Variants in HERC1 observed in about 807,000 individuals in gnomAD.
HERC1 encodes probable E3 ubiquitin-protein ligase HERC1.
Under a neutral mutation model 554.3 loss-of-function variants are expected in HERC1, and 160 were observed. That is an observed-to-expected ratio of 0.29 (90% confidence interval 0.25 to 0.33). The LOEUF is 0.33. Among genes scored for constraint, HERC1 ranks in the 10% least tolerant of loss-of-function variants. HERC1 has a pLI of 1.00. For synonymous variants in HERC1, 2,175 were observed against 2,131.7 expected (o/e 1.02, Z -0.56); for missense variants, 4,919 against 5,918.5 (o/e 0.83, Z 5.54).
chr15:63,698,641 A>T, intron 26 of HERC1, 87 bp downstream of exon 26: 1 of 1,324,830 alleles, frequency 7.5e-7, no homozygotes, highest in Non-Finnish European at 1.0e-6. Flanking sequence ...ATAGAAGAAA[A>T]GGAAAGGTTT....
At chr15:63,826,303 C>T (rs915345880) in intron 1 of HERC1, among the ~76,000 whole-genome samples, 1 of 152,116 alleles carries the variant, frequency 6.6e-6, no homozygotes, top group Non-Finnish European at 1.5e-5. Context: ...GAACTTTAAA[C>T]TCGCGGTTTA....
At chr15:63,736,787 A>G (rs1049541659) in intron 12 of HERC1, among the ~76,000 whole-genome samples, 8 of 152,024 alleles carry the variant, frequency 5.3e-5, no homozygotes, top group African/African-American at 1.9e-4. Context: ...TTGTATTTTT[A>G]GTAGAGATGG....
chr15:63,609,320 G>A (rs2067488327), intron 77 of HERC1, 54 bp from the exon 78 acceptor site: 1 of 1,483,650 alleles, frequency 6.7e-7, no homozygotes, highest in African/African-American at 1.4e-5. Context: ...CCATAAGGGG[G>A]AGTGGGGCTG....
Position 63,729,308 on chromosome 15 carries a change from CTGTGGCA to C in HERC1, c.3075_3081del (p.His1025GlnfsTer24). ...AAATTTGCAGAACGTGAATAAATAT[CTGTGGCA>C]TGAGGCAACAAAAGCTGAAGATGTT... On this transcript the variant is annotated frameshift_variant, in exon 16 of 78. Transcript: ENST00000443617. LOFTEE classifies it high-confidence loss of function. 1 of 1,611,682 alleles carries C rather than the reference CTGTGGCA, an allele frequency of 6.2e-7. No individual in the cohort carries two copies. Among genetic ancestry groups the C allele is most frequent in the Non-Finnish European group, 8.5e-7 (1 of 1,178,842 alleles).
chr15:63,615,781 T>C lies in HERC1; in HGVS notation c.14081A>G (p.Glu4694Gly). 1 of 1,594,126 alleles carries C rather than the reference T, an allele frequency of 6.3e-7. No homozygotes were observed. Among genetic ancestry groups the C allele is most frequent in the Non-Finnish European group, 8.5e-7 (1 of 1,172,830 alleles). The change falls in exon 76 of 78, where the codon GAG (glutamate) becomes GGG (glycine). Residue 4694 changes from glutamate to glycine, a missense_variant. By Grantham distance (98) the Glu-to-Gly change is moderately conservative (BLOSUM62 -2). Transcript: ENST00000443617. The stretch of plus-strand genomic sequence containing the variant: ...GTTTCATCTCACCTGTCTGTCCATC[T>C]CATGAAGTCGATATTCAATGGCCCT... Reference protein sequence around the residue: ...VERAIEYRLHEMDRQVAAVRE... With the variant: ...VERAIEYRLHGMDRQVAAVRE...
At chr15:63,821,039 CT>C (rs1432210027) in intron 1 of HERC1, among the ~76,000 whole-genome samples, 1 of 152,174 alleles carries the variant, frequency 6.6e-6, no homozygotes, top group Admixed American at 6.5e-5. Flanking sequence ...GTTATAAATT[CT>C]AAATTCTAAC....
chr15:63,689,706 T>C lies in HERC1; in HGVS notation c.5938-7A>G, dbSNP rs777918941. 20 of 1,489,698 alleles carry C rather than the reference T, an allele frequency of 1.3e-5. No individual in the cohort carries two copies. Among genetic ancestry groups the C allele is most frequent in the Admixed American group, 9.0e-5 (4 of 44,208 alleles). 92.3% of individuals were successfully genotyped at this position (1,489,698 alleles called of 1,614,324 possible). ...AAAATAAGCGCTCAACAATCTGTTT[T>C]ATTGAAGAAAAAAGGATAAAATTTG... is the stretch of plus-strand genomic sequence containing the variant. On this transcript the variant is annotated splice_region_variant and splice_polypyrimidine_tract_variant and intron_variant, in intron 32 of 77. Transcript: ENST00000443617.
Position 63,718,704 on chromosome 15 carries a change from G to A in HERC1, c.3858-10C>T, listed in dbSNP as rs1282092781. The A allele has an allele frequency of 2.5e-6, 4 of 1,601,138 alleles. No homozygotes were observed. In the South Asian group the frequency reaches 3.3e-5, roughly 13 times the overall value. ...TTTACCAGGTTGATATCTAAATGAA[G>A]AACCAAAATAGAAAAGTTACCTAAT... is the stretch of plus-strand genomic sequence containing the variant. On this transcript the variant is annotated splice_polypyrimidine_tract_variant and intron_variant, in intron 20 of 77. Coordinates refer to ENST00000443617, the MANE Select transcript of HERC1 (RefSeq NM_003922.4). The surrounding 1 kb of genome is among the most constrained non-coding windows in gnomAD (Gnocchi z 4.2).
chr15:63,758,381 T>A lies in HERC1; in HGVS notation c.1027-12A>T. On this transcript the variant is annotated splice_polypyrimidine_tract_variant and intron_variant, in intron 3 of 77. Transcript: ENST00000443617. This position sits in a 1 kb window ranked among gnomAD's most constrained non-coding sequence, Gnocchi z 4.0. Reference sequence around the variant, plus strand: ...GCCATTCTGCAAACCTATTAAAAATTTAAAATATGCAACAAATAGTCAAGA... The same window carrying A: ...GCCATTCTGCAAACCTATTAAAAATATAAAATATGCAACAAATAGTCAAGA... 2 of 1,560,738 alleles carry A rather than the reference T, an allele frequency of 1.3e-6. No homozygotes were observed. Among genetic ancestry groups the A allele is most frequent in the South Asian group, 2.3e-5 (2 of 86,670 alleles).
In HERC1 at chr15:63,770,916, C is replaced by T. The variant is rs374448372; in HGVS notation, c.930+3778G>A. On this transcript the variant is annotated intron_variant, in intron 2 of 77. Coordinates refer to ENST00000443617, the MANE Select transcript of HERC1 (RefSeq NM_003922.4). ...AGAAACATGGGTTCTAGGCTGGGCA[C>T]GGTGGCTCACGCCTGTAATCCCAGC... 1.6e-4 allele frequency among the ~76,000 whole-genome samples: 24 copies of T among 152,172 alleles called. 1 individual carries two copies. In the South Asian group the frequency reaches 4.2e-3, roughly 26 times the overall value.
chr15:63,818,767 C>T (rs78188233), intron 1 of HERC1, among the ~76,000 whole-genome samples: 4,686 of 152,252 alleles, frequency 0.031, 233 homozygotes, highest in African/African-American at 0.11. Context: ...TTCACTACTG[C>T]CACATATCTG....
Position 63,824,350 on chromosome 15 carries a change from A to G in HERC1, c.-27+9477T>C, listed in dbSNP as rs550327108. ...AGATGGAGACCATCCTGGCTAACAC[A>G]GTGAAACCCCATCTCTACTAAAAAT... On this transcript the variant is annotated intron_variant, in intron 1 of 77. Transcript: ENST00000443617. 7.9e-5 allele frequency among the ~76,000 whole-genome samples: 12 copies of G among 151,994 alleles called. No individual in the cohort carries two copies. In the East Asian group the frequency reaches 2.1e-3, roughly 27 times the overall value.
chr15:63,723,350 ATTTATCT>A lies in HERC1; in HGVS notation c.3569-2_3573del. On this transcript the variant is annotated splice_acceptor_variant and coding_sequence_variant, in exon 19 of 78. Coordinates refer to ENST00000443617, the MANE Select transcript of HERC1 (RefSeq NM_003922.4). LOFTEE classifies it high-confidence loss of function. ...GCTACTTCTAACAGGCAACTCATAC[ATTTATCT>A]AAAAAAAATACTCACGTTACCAATT... 1 of 1,548,108 alleles carries A rather than the reference ATTTATCT, an allele frequency of 6.5e-7. No homozygotes were observed. Among genetic ancestry groups the A allele is most frequent in the Admixed American group, 2.0e-5 (1 of 49,740 alleles).
At chr15:63,662,958 G>A in intron 44 of HERC1, 26 bp downstream of exon 44, 1 of 1,574,400 alleles carries the variant, frequency 6.4e-7, no homozygotes. Context: ...ATAAGTCAGA[G>A]CAGCCCCCGC....
chr15:63,829,499 T>TATATATATATATATATAC (rs1336272062), intron 1 of HERC1, among the ~76,000 whole-genome samples: 3 of 53,370 alleles, frequency 5.6e-5, no homozygotes, highest in African/African-American at 1.8e-4. Flanking sequence ...TATATATATA[T>TATATATATATATATATAC]ACACACACAC....
In HERC1 at chr15:63,764,146, A is replaced by C. The variant is rs1222612982; in HGVS notation, c.976T>G (p.Ser326Ala). The part of the protein sequence containing the change: ...RSQWREPTRT[S>A]DGLCSLYEAA... The stretch of plus-strand genomic sequence containing the variant: ...TCGTAAAGGGAGCACAAGCCATCCG[A>C]TGTTCTGGTTGGTTCTCTCCACTGA... Residue 326 changes from serine (S) to alanine (A), a missense_variant, in exon 3 of 78, where the codon TCG becomes GCG. Around this residue, in one of 11 missense-constraint regions of HERC1, gnomAD observed 744 missense variants for 1,090.0 expected, o/e 0.68. Coordinates refer to ENST00000443617, the MANE Select transcript of HERC1 (RefSeq NM_003922.4). The C allele has an allele frequency of 6.2e-7, 1 of 1,611,454 alleles. No individual in the cohort carries two copies. Among genetic ancestry groups the C allele is most frequent in the Non-Finnish European group, 8.5e-7 (1 of 1,178,898 alleles).
chr15:63,813,702 G>A (rs547279735), intron 1 of HERC1, among the ~76,000 whole-genome samples: 50 of 152,196 alleles, frequency 3.3e-4, no homozygotes, highest in Admixed American at 6.5e-4. Flanking sequence ...TTGTATGCCT[G>A]TGTTTCTGTA....
intron 69 of HERC1, 81 bp downstream of exon 69, chr15:63,630,385 C>G (rs1025979673): frequency 6.5e-6 from 9 of 1,381,036 alleles, no homozygotes; most frequent in Non-Finnish European, 2.0e-6. Context: ...TATGAATTTC[C>G]TAGCTTATCT....
chr15:63,833,485 A>T (rs1292194930), intron 1 of HERC1, among the ~76,000 whole-genome samples: 1 of 152,050 alleles, frequency 6.6e-6, no homozygotes, highest in Non-Finnish European at 1.5e-5. Flanking sequence ...AGACGCGACC[A>T]CAGCGGGGCC....
Sources: gnomAD v4.1 joint callset for allele counts (sites outside exome capture counted in the v4.1 genomes callset) on GRCh38, gnomAD v4.1.1 for gene constraint, gnomAD v4.1.1 regional missense constraint, Gnocchi (gnomAD v3.1) non-coding constraint, MANE v1.5 for transcripts, NCBI Gene and HGNC (gene_info 2026-07-23, HGNC 2026-07-21) for gene names.